Variants in MGST1 observed in about 807,000 individuals in gnomAD.
MGST1 encodes microsomal glutathione S-transferase 1, also known as glutathione S-transferase 12.
Under a neutral mutation model 8.9 loss-of-function variants are expected in MGST1, and 5 were observed. The observed-to-expected ratio is 0.56, with a 90% CI of 0.29 to 1.19. The LOEUF (loss-of-function observed/expected upper bound fraction) is 1.19. Among genes scored for constraint, MGST1 ranks in the 50% most tolerant of loss-of-function variants. The pLI is 0.08. For missense variants in MGST1, 182 were observed against 187.4 expected, an observed-to-expected ratio of 0.97 and a Z score of 0.17; for synonymous variants, 54 against 67.8, an observed-to-expected ratio of 0.80 and a Z score of 1.00.
chr12:16,390,222 A>T (rs899939273), intron 1 of MGST1, among the ~76,000 whole-genome samples: 1 of 152,250 alleles, frequency 6.6e-6, no homozygotes, highest in Non-Finnish European at 1.5e-5. Flanking sequence ...AACAATTTAA[A>T]ATATTAAACT....
chr12:16,367,898 C>G (rs1940221323), downstream of MGST1, among the ~76,000 whole-genome samples: 1 of 152,160 alleles, frequency 6.6e-6, no homozygotes, highest in African/African-American at 2.4e-5. Context: ...CAATGCTTAT[C>G]TTTGTATATT....
chr12:16,390,352 C>T (rs1262649535), intron 1 of MGST1, among the ~76,000 whole-genome samples: 3 of 152,134 alleles, frequency 2.0e-5, no homozygotes, highest in Admixed American at 6.5e-5. Context: ...TATAGGCAAA[C>T]TCATGTCTTG....
downstream of MGST1, among the ~76,000 whole-genome samples, chr12:16,440,930 A>G (rs901924790): frequency 6.6e-6 from 1 of 151,866 alleles, no homozygotes; most frequent in Admixed American, 6.6e-5. Context: ...ATATAATAGT[A>G]TCTCACTATA....
chr12:16,553,554 G>T (rs1565479156), intron 4 of MGST1, among the ~76,000 whole-genome samples: 1 of 152,080 alleles, frequency 6.6e-6, no homozygotes. Flanking sequence ...ACTGGATAAA[G>T]TGCATTTTAT....
chr12:16,585,132 C>A lies in MGST1; in HGVS notation n.483-4396C>A, dbSNP rs868369211. Among the ~76,000 whole-genome samples the A allele has an allele frequency of 6.6e-6, 1 of 152,168 alleles. No homozygotes were observed. The highest frequency in any genetic ancestry group is 1.9e-4 in the East Asian group (1 of 5,190). On this transcript the variant is annotated intron_variant and non_coding_transcript_variant, in intron 4 of 4. Transcript: ENST00000538857. This position sits in a 1 kb window ranked among gnomAD's most constrained non-coding sequence, Gnocchi z 4.7. ...TGCTGGAATTAAGTCATGGCTTCCC[C>A]CTTTGGGTGGCGCATGCAAGCCCCA...
chr12:16,480,580 A>G (rs1043137309), intron 4 of MGST1, among the ~76,000 whole-genome samples: 1 of 152,258 alleles, frequency 6.6e-6, no homozygotes, highest in Non-Finnish European at 1.5e-5. Context: ...TAAAAAGGCT[A>G]ACAAGTCAAC....
chr12:16,531,807 G>C lies in MGST1; in HGVS notation n.483-57721G>C, dbSNP rs1296351382. 2.0e-5 allele frequency among the ~76,000 whole-genome samples: 3 copies of C among 152,260 alleles called. No individual in the cohort carries two copies. The South Asian group carries it at 6.2e-4, about 32-fold the overall frequency. On this transcript the variant is annotated intron_variant and non_coding_transcript_variant, in intron 4 of 4. Coordinates refer to the MGST1 transcript ENST00000538857. ...TATTGTTTCTGTGGGTAAATGCCAAGACTGGCCCTGGGCTAATTGAAATGA... is the reference window on the plus strand; with the variant it reads ...TATTGTTTCTGTGGGTAAATGCCAACACTGGCCCTGGGCTAATTGAAATGA...
intron 1 of MGST1, chr12:16,400,097 T>G (rs1940641451): frequency 6.4e-7 from 1 of 1,568,758 alleles, no homozygotes; most frequent in African/African-American, 1.4e-5. Flanking sequence ...TAAAAGGCTG[T>G]TTTCAGTTTG....
chr12:16,507,157 A>C (rs1941543221), intron 4 of MGST1, among the ~76,000 whole-genome samples: 1 of 152,184 alleles, frequency 6.6e-6, no homozygotes. Flanking sequence ...TAGATAGAGA[A>C]AGAGGTAAGG....
At chr12:16,568,153 G>T (rs964846153) in intron 4 of MGST1, among the ~76,000 whole-genome samples, 1 of 152,144 alleles carries the variant, frequency 6.6e-6, no homozygotes, top group Non-Finnish European at 1.5e-5. Context: ...GGTATTGTAT[G>T]TTAATGGAAA....
intron 4 of MGST1, among the ~76,000 whole-genome samples, chr12:16,563,882 T>C (rs1454887593): frequency 2.0e-5 from 3 of 152,202 alleles, no homozygotes; most frequent in African/African-American, 7.2e-5. Context: ...TTAAGATGTC[T>C]TATAGATTAT....
At chr12:16,590,144 A>C (rs548979760), downstream of MGST1, among the ~76,000 whole-genome samples, 4 of 152,212 alleles carry the variant, frequency 2.6e-5, no homozygotes, top group South Asian at 8.3e-4. Flanking sequence ...TTTAAAAGAC[A>C]CTTTGTACAT....
chr12:16,419,099 G>T (rs2137082107), intron 1 of MGST1, among the ~76,000 whole-genome samples: 1 of 152,228 alleles, frequency 6.6e-6, no homozygotes, highest in African/African-American at 2.4e-5. Context: ...TTCTCTTCAA[G>T]ATCCTACCAC....
Position 16,362,939 on chromosome 12 carries a change from C to T in MGST1, c.222-856C>T, listed in dbSNP as rs374366599. The T allele has an allele frequency of 6.6e-6, 1 of 152,118 alleles. No individual in the cohort carries two copies. Among genetic ancestry groups the T allele is most frequent in the African/African-American group, 2.4e-5 (1 of 41,428 alleles). The allele number at this position is 152,118 out of a possible 1,614,324, so 9.4% of individuals were successfully genotyped here. On this transcript the variant is annotated intron_variant, in intron 3 of 3. Coordinates refer to ENST00000396210, the MANE Select transcript of MGST1 (RefSeq NM_020300.5). The surrounding 1 kb of genome is among the most constrained non-coding windows in gnomAD (Gnocchi z 4.4). ...CAGAGCAAGACCCCCTCTCTAAAAA[C>T]AACAATAGCAATGACAACAATAATA... is the stretch of plus-strand genomic sequence containing the variant.
At chr12:16,429,941 C>T (rs112747172) in intron 1 of MGST1, among the ~76,000 whole-genome samples, 392 of 152,140 alleles carry the variant, frequency 2.6e-3, no homozygotes, top group African/African-American at 9.0e-3. Context: ...TGAGGTTATT[C>T]GATAGCATTT....
At chr12:16,405,070 C>CA (rs1940688442) in intron 1 of MGST1, among the ~76,000 whole-genome samples, 2 of 152,138 alleles carry the variant, frequency 1.3e-5, no homozygotes, top group Non-Finnish European at 2.9e-5. Flanking sequence ...ACATCCACAT[C>CA]AAAAAGTTAG....
At chr12:16,390,214 C>T (rs1301936408) in intron 1 of MGST1, among the ~76,000 whole-genome samples, 1 of 151,412 alleles carries the variant, frequency 6.6e-6, no homozygotes, top group Non-Finnish European at 1.5e-5. Context: ...AAAAAAAGAA[C>T]AATTTAAAAT....
At chr12:16,588,598 A>G (rs1471140507) in intron 4 of MGST1, among the ~76,000 whole-genome samples, 4 of 152,082 alleles carry the variant, frequency 2.6e-5, no homozygotes, top group African/African-American at 9.7e-5. Context: ...AAAGATCCAA[A>G]TTCATCCTAA....
intron 4 of MGST1, among the ~76,000 whole-genome samples, chr12:16,501,821 T>C (rs972945814): frequency 5.3e-5 from 8 of 152,178 alleles, no homozygotes; most frequent in Non-Finnish European, 8.8e-5. Flanking sequence ...AATTACTGGT[T>C]GCCCAAATAC....
Sources: gnomAD v4.1 joint callset for allele counts (sites outside exome capture counted in the v4.1 genomes callset) on GRCh38, gnomAD v4.1.1 for gene constraint, Gnocchi (gnomAD v3.1) non-coding constraint, MANE v1.5 for transcripts, NCBI Gene and HGNC (gene_info 2026-07-23, HGNC 2026-07-21) for gene names.